GPHN: variants seen among roughly 807,000 people sequenced by gnomAD.
The protein encoded by GPHN is gephyrin.
In GPHN, 17 loss-of-function variants were observed where a neutral mutation model predicts 95.5. The ratio of observed to expected loss-of-function variants is 0.18; its 90% CI spans 0.12 to 0.27. GPHN has a LOEUF of 0.27. GPHN is among the 10% of genes least tolerant of loss of function. The pLI, the probability that GPHN is intolerant of heterozygous loss-of-function variation, is 1.00. For missense variants in GPHN, 660 were observed against 978.1 expected (o/e 0.67, Z 4.34); for synonymous variants, 320 against 322.5 (o/e 0.99, Z 0.08).
chr14:66,690,288 C>T (rs1023935228), intron 2 of GPHN, among the ~76,000 whole-genome samples: 1 of 151,906 alleles, frequency 6.6e-6, no homozygotes, highest in Non-Finnish European at 1.5e-5. Context: ...TTTTTATTGA[C>T]CCACGTTCAT....
chr14:66,922,271 GT>G (rs143579871), intron 6 of GPHN, among the ~76,000 whole-genome samples: 32,856 of 141,618 alleles, frequency 0.23, 5,818 homozygotes, highest in East Asian at 0.5. Flanking sequence ...CAGAGTGTAT[GT>G]TTTTTTTTTT....
chr14:67,462,783 G>A, the GPHN span, among the ~76,000 whole-genome samples: 16,724 of 152,252 alleles, frequency 0.11, 984 homozygotes, highest in Middle Eastern at 0.16. Context: ...GTCTGTTTAG[G>A]TTTTGTGTTG....
the GPHN span, among the ~76,000 whole-genome samples, chr14:67,419,848 C>CAA: frequency 3.2e-4 from 42 of 131,898 alleles, no homozygotes; most frequent in East Asian, 8.9e-4. Context: ...GCCTCCGTCT[C>CAA]AAAAAAAAAA....
chr14:66,921,444 G>GTTTTT (rs1161971475), intron 6 of GPHN, among the ~76,000 whole-genome samples: 1 of 129,172 alleles, frequency 7.7e-6, no homozygotes, highest in Non-Finnish European at 1.7e-5. Context: ...TGATGGGATT[G>GTTTTT]TTTTTTTTTT....
chr14:66,924,418 T>A (rs1221263262), intron 8 of GPHN, 126 bp downstream of exon 8: 3 of 706,932 alleles, frequency 4.2e-6, no homozygotes, highest in Non-Finnish European at 7.7e-6. Flanking sequence ...CCTTGCTTTC[T>A]TGTGAAAGTG....
At chr14:66,912,416 T>C (rs2065716497) in intron 5 of GPHN, among the ~76,000 whole-genome samples, 1 of 152,152 alleles carries the variant, frequency 6.6e-6, no homozygotes, top group Non-Finnish European at 1.5e-5. Flanking sequence ...TCCCAAAGGA[T>C]TTTTGCTTAA....
chr14:67,555,820 A>C, the GPHN span: 44 of 1,613,126 alleles, frequency 2.7e-5, 2 homozygotes, highest in South Asian at 4.7e-4. Context: ...TCTCTGGCCA[A>C]GCAGATGCAG....
chr14:66,715,974 T>A (rs1459576349), intron 2 of GPHN, among the ~76,000 whole-genome samples: 1 of 152,032 alleles, frequency 6.6e-6, no homozygotes, highest in Non-Finnish European at 1.5e-5. Context: ...TAGAATGGAA[T>A]GTTCTATATA....
chr14:67,382,007 C>T, the GPHN span, among the ~76,000 whole-genome samples: 1 of 152,070 alleles, frequency 6.6e-6, no homozygotes, highest in East Asian at 1.9e-4. Flanking sequence ...GTAACACTTT[C>T]TTCTATCTGT....
intron 3 of GPHN, among the ~76,000 whole-genome samples, chr14:66,787,297 CAT>C (rs769544809): frequency 5.9e-5 from 9 of 152,120 alleles, no homozygotes; most frequent in African/African-American, 1.2e-4. Flanking sequence ...TAAAAGCACA[CAT>C]ATGTTATCTT....
the GPHN span, chr14:67,335,847 G>A: frequency 2.0e-5 from 3 of 152,072 alleles, no homozygotes; most frequent in African/African-American, 4.8e-5. Context: ...CTATTTGCTC[G>A]GCCACTCAAG....
chr14:67,303,705 T>A, the GPHN span: 1 of 704,348 alleles, frequency 1.4e-6, no homozygotes, highest in African/African-American at 2.1e-5. Context: ...CTCAAATAAA[T>A]TCAATCATTT....
At chr14:67,175,672 A>G (rs1411844300) in intron 21 of GPHN, among the ~76,000 whole-genome samples, 6 of 152,086 alleles carry the variant, frequency 3.9e-5, no homozygotes, top group Admixed American at 3.3e-4. Flanking sequence ...TTTGGGCAGT[A>G]TGGCCATTTT....
intron 1 of GPHN, among the ~76,000 whole-genome samples, chr14:66,599,155 A>G (rs1023776493): frequency 1.2e-4 from 18 of 152,224 alleles, no homozygotes; most frequent in African/African-American, 3.4e-4. Flanking sequence ...ATAACGGAGC[A>G]TAATCTGGTA....
intron 4 of GPHN, among the ~76,000 whole-genome samples, chr14:66,840,850 A>G (rs979556393): frequency 5.9e-5 from 9 of 151,366 alleles, no homozygotes; most frequent in Non-Finnish European, 1.2e-4. Context: ...TGCTCTGTTA[A>G]TCTTAAAGCT....
chr14:66,786,407 AAAAG>A (rs1229155682), intron 3 of GPHN, among the ~76,000 whole-genome samples: 8 of 152,188 alleles, frequency 5.3e-5, no homozygotes, highest in African/African-American at 9.6e-5. Flanking sequence ...AAGTTCCTGA[AAAAG>A]AAAGCCTCAG....
intron 1 of GPHN, among the ~76,000 whole-genome samples, chr14:66,603,185 G>T (rs2062340358): frequency 6.6e-6 from 1 of 151,872 alleles, no homozygotes; most frequent in South Asian, 2.1e-4. Context: ...GTAGGATTTT[G>T]AAATCTTTTA....
At chr14:67,645,787 A>G in the GPHN span, 1 of 1,613,982 alleles carries the variant, frequency 6.2e-7, no homozygotes, top group East Asian at 2.2e-5. Context: ...TTCTCCTCAG[A>G]GAACTACAGG....
the GPHN span, among the ~76,000 whole-genome samples, chr14:67,627,470 T>C: frequency 4.6e-5 from 7 of 152,216 alleles, no homozygotes; most frequent in South Asian, 1.0e-3. Context: ...GTTTTGGGCA[T>C]TGAAAAGAGA....
Sources: gnomAD v4.1 joint callset for allele counts (sites outside exome capture counted in the v4.1 genomes callset) on GRCh38, gnomAD v4.1.1 for gene constraint, MANE v1.5 for transcripts, NCBI Gene and HGNC (gene_info 2026-07-23, HGNC 2026-07-21) for gene names.